The following DNAI3 variants were observed in gnomAD, a reference collection of about 807,000 sequenced individuals.
The protein encoded by DNAI3 is WD repeat domain 63.
Under a neutral mutation model 115.5 loss-of-function variants are expected in DNAI3, and 83 were observed. The ratio of observed to expected loss-of-function variants is 0.72; its 90% CI spans 0.60 to 0.86. The LOEUF is 0.86. Ranked by LOEUF, DNAI3 falls within the 40% of genes least tolerant of loss-of-function variation. The pLI is 0.00. For synonymous variants in DNAI3, 320 were observed against 347.0 expected, an observed-to-expected ratio of 0.92 and a Z score of 0.86; for missense variants, 1,004 against 1,075.8, an observed-to-expected ratio of 0.93 and a Z score of 0.93.
intron 14 of DNAI3, among the ~76,000 whole-genome samples, chr1:85,105,138 T>C (rs1174399739): frequency 6.6e-6 from 1 of 152,136 alleles, no homozygotes; most frequent in Non-Finnish European, 1.5e-5. Flanking sequence ...TTGGACAAAC[T>C]TTCCCATTCC....
chr1:85,087,579 C>T (rs1654838770), intron 7 of DNAI3, among the ~76,000 whole-genome samples: 2 of 151,916 alleles, frequency 1.3e-5, no homozygotes, highest in Non-Finnish European at 2.9e-5. Flanking sequence ...CTTCACTCTG[C>T]CCTTGGAATT....
At chr1:85,091,637 G>T (rs1266035578) in intron 8 of DNAI3, among the ~76,000 whole-genome samples, 1 of 152,162 alleles carries the variant, frequency 6.6e-6, no homozygotes, top group Non-Finnish European at 1.5e-5. Context: ...CTTTCTCATA[G>T]AATTTTATCT....
Position 85,094,574 on chromosome 1 carries a change from C to T in DNAI3, c.1173+19C>T, listed in dbSNP as rs1655073677. On this transcript the variant is annotated intron_variant, in intron 10 of 22. Transcript: ENST00000294664. Reference sequence around the variant, plus strand: ...TCCTCAGGTAATTAGGGAGAGTTGCCTACATAGCCTAAATTTTCAAATACT... The same window carrying T: ...TCCTCAGGTAATTAGGGAGAGTTGCTTACATAGCCTAAATTTTCAAATACT... The T allele has an allele frequency of 3.1e-6, 5 of 1,610,526 alleles. No individual in the cohort carries two copies. The Admixed American group carries it at 6.7e-5, about 22-fold the overall frequency.
chr1:85,098,800 C>T (rs1361666053), intron 13 of DNAI3, 142 bp downstream of exon 13: 2 of 1,219,054 alleles, frequency 1.6e-6, no homozygotes, highest in Admixed American at 2.3e-5. Flanking sequence ...AATGGGGTTA[C>T]TGTTGCCAGA....
At chr1:85,125,839 A>G (rs1180758701) in intron 19 of DNAI3, among the ~76,000 whole-genome samples, 1 of 152,216 alleles carries the variant, frequency 6.6e-6, no homozygotes, top group Non-Finnish European at 1.5e-5. Flanking sequence ...TCAGTAGATG[A>G]AGCCTGAAGT....
chr1:85,066,078 G>C (rs1654087501), intron 1 of DNAI3, among the ~76,000 whole-genome samples: 1 of 152,216 alleles, frequency 6.6e-6, no homozygotes, highest in African/African-American at 2.4e-5. Context: ...TGACCTTTGT[G>C]CATTGATGGC....
intron 5 of DNAI3, among the ~76,000 whole-genome samples, chr1:85,083,746 A>G: frequency 6.6e-6 from 1 of 152,098 alleles, no homozygotes; most frequent in East Asian, 1.9e-4. Flanking sequence ...AATATTACAG[A>G]CAATATTCCA....
intron 19 of DNAI3, among the ~76,000 whole-genome samples, chr1:85,125,609 A>G (rs1459951812): frequency 1.3e-5 from 2 of 152,062 alleles, no homozygotes; most frequent in African/African-American, 4.8e-5. Flanking sequence ...ATGATTGTCC[A>G]AAGACTATGC....
intron 1 of DNAI3, among the ~76,000 whole-genome samples, chr1:85,064,152 T>C (rs573670465): frequency 5.3e-5 from 8 of 152,306 alleles, no homozygotes; most frequent in Non-Finnish European, 8.8e-5. Flanking sequence ...ATGTTTTTAT[T>C]TGATGCATGG....
At position 85,093,595 on chromosome 1, in the gene DNAI3, A is replaced by G; in HGVS notation, c.995A>G (p.His332Arg). The G allele has an allele frequency of 1.2e-6, 2 of 1,614,214 alleles. No individual in the cohort carries two copies. Among genetic ancestry groups the G allele is most frequent in the Non-Finnish European group, 1.7e-6 (2 of 1,180,034 alleles). The change falls in exon 9 of 23, where the codon CAT (histidine) becomes CGT (arginine). Residue 332 changes from histidine to arginine, a missense_variant. Physicochemically the swap from His to Arg is conservative, Grantham distance 29 (BLOSUM62 0). Around this residue, in one of 3 missense-constraint regions of DNAI3, gnomAD observed 550 missense variants for 568.1 expected, o/e 0.97. Transcript: ENST00000294664. Reference sequence around the variant, plus strand: ...GAGTACCAGTCCTTTACCGACCTTCATAGCCCAACGGAGAAAATGATTACC... The same window carrying G: ...GAGTACCAGTCCTTTACCGACCTTCGTAGCCCAACGGAGAAAATGATTACC... Reference protein sequence around the residue: ...LKEYQSFTDLHSPTEKMITCV... With the variant: ...LKEYQSFTDLRSPTEKMITCV...
intron 7 of DNAI3, 57 bp from the exon 8 acceptor site, chr1:85,090,059 C>G (rs1027861038): frequency 1.2e-6 from 1 of 809,112 alleles, no homozygotes; most frequent in Middle Eastern, 2.5e-4. Flanking sequence ...TGTTGTGGCC[C>G]ATATTTGCTC....
intron 15 of DNAI3, 127 bp downstream of exon 15, chr1:85,108,304 T>C (rs1655551726): frequency 9.5e-7 from 1 of 1,047,716 alleles, no homozygotes; most frequent in Admixed American, 2.8e-5. Context: ...GACTGTACAA[T>C]TTGTGTTTAT....
At chr1:85,130,213 T>C (rs903635588) in intron 22 of DNAI3, 101 bp downstream of exon 22, 2 of 1,514,426 alleles carry the variant, frequency 1.3e-6, no homozygotes, top group East Asian at 2.3e-5. Context: ...TTATACTTTT[T>C]CACATTCTTC....
chr1:85,073,428 T>TG (rs1654348897), intron 3 of DNAI3, among the ~76,000 whole-genome samples: 1 of 152,238 alleles, frequency 6.6e-6, no homozygotes, highest in Non-Finnish European at 1.5e-5. Context: ...ATAGGTAATA[T>TG]TTATCTGTAC....
At chr1:85,070,696 C>T (rs1041299605) in intron 1 of DNAI3, among the ~76,000 whole-genome samples, 2 of 152,162 alleles carry the variant, frequency 1.3e-5, no homozygotes, top group African/African-American at 4.8e-5. Context: ...GACCATTATA[C>T]ATTGTATACA....
At chr1:85,109,121 G>T (rs1312401292) in intron 15 of DNAI3, among the ~76,000 whole-genome samples, 4 of 152,166 alleles carry the variant, frequency 2.6e-5, no homozygotes, top group Non-Finnish European at 5.9e-5. Context: ...TGAATGAGAA[G>T]TTGTTTGTAT....
chr1:85,074,361 T>G (rs955053421), intron 3 of DNAI3, among the ~76,000 whole-genome samples: 1 of 152,186 alleles, frequency 6.6e-6, no homozygotes, highest in African/African-American at 2.4e-5. Context: ...CAACTTGCAG[T>G]GGTCCTGGCT....
At chr1:85,109,765 A>T (rs1409458913) in intron 15 of DNAI3, among the ~76,000 whole-genome samples, 2 of 152,200 alleles carry the variant, frequency 1.3e-5, no homozygotes, top group Non-Finnish European at 2.9e-5. Context: ...GTATTATGGA[A>T]TACAATACAA....
At chr1:85,082,239 C>A in intron 4 of DNAI3, 61 bp from the exon 5 acceptor site, 2 of 1,289,710 alleles carry the variant, frequency 1.6e-6, no homozygotes, top group Non-Finnish European at 2.2e-6. Flanking sequence ...TTTGTGTTGG[C>A]ATCAAAATAA....
Sources: allele counts gnomAD v4.1 joint callset (sites outside exome capture counted in the v4.1 genomes callset), GRCh38; gene constraint gnomAD v4.1.1; regional missense constraint gnomAD v4.1.1; transcripts MANE v1.5; gene names NCBI Gene and HGNC (gene_info 2026-07-23, HGNC 2026-07-21).